OSTN: variants seen among roughly 807,000 people sequenced by gnomAD.
The protein encoded by OSTN is osteocrin.
Under a neutral mutation model 12.0 loss-of-function variants are expected in OSTN, and 9 were observed. The ratio of observed to expected loss-of-function variants is 0.75; its 90% CI spans 0.45 to 1.30. The LOEUF is 1.30. Among genes scored for constraint, OSTN ranks in the 50% most tolerant of loss-of-function variants. OSTN has a pLI of 0.00. For missense variants in OSTN, 148 were observed against 152.3 expected, an observed-to-expected ratio of 0.97 and a Z score of 0.15; for synonymous variants, 59 against 56.9, an observed-to-expected ratio of 1.04 and a Z score of -0.16.
intron 3 of OSTN, among the ~76,000 whole-genome samples, chr3:191,229,281 A>G (rs777482873): frequency 3.9e-5 from 6 of 152,250 alleles, no homozygotes; most frequent in Non-Finnish European, 2.9e-5. Context: ...TCAAACAATA[A>G]TCCTTTTAAA....
At chr3:191,245,082 C>A (rs1024095665) in intron 3 of OSTN, among the ~76,000 whole-genome samples, 1 of 152,132 alleles carries the variant, frequency 6.6e-6, no homozygotes, top group Non-Finnish European at 1.5e-5. Flanking sequence ...TCAGATATTG[C>A]TCTCTTTTAT....
chr3:191,203,735 G>A (rs1264288919), intron 1 of OSTN, among the ~76,000 whole-genome samples: 1 of 152,156 alleles, frequency 6.6e-6, no homozygotes, highest in Non-Finnish European at 1.5e-5. Flanking sequence ...TACACAAATA[G>A]GTTATACTCG....
At chr3:191,212,046 C>G (rs896053690) in intron 1 of OSTN, among the ~76,000 whole-genome samples, 1 of 152,000 alleles carries the variant, frequency 6.6e-6, no homozygotes, top group Non-Finnish European at 1.5e-5. Flanking sequence ...TGACATGACA[C>G]AAGGACATAA....
At chr3:191,201,979 AAGG>A (rs1316017116) in intron 1 of OSTN, among the ~76,000 whole-genome samples, 1 of 152,120 alleles carries the variant, frequency 6.6e-6, no homozygotes, top group Non-Finnish European at 1.5e-5. Context: ...TATTTTTCTG[AAGG>A]AGAAGTTAAA....
At chr3:191,232,801 G>C (rs1715094828) in intron 3 of OSTN, among the ~76,000 whole-genome samples, 1 of 152,010 alleles carries the variant, frequency 6.6e-6, no homozygotes, top group African/African-American at 2.4e-5. Context: ...TTTTAGTAGG[G>C]ACTGTGTTTC....
intron 4 of OSTN, among the ~76,000 whole-genome samples, chr3:191,261,088 G>A (rs1262060365): frequency 6.6e-6 from 1 of 152,112 alleles, no homozygotes; most frequent in East Asian, 1.9e-4. Flanking sequence ...CAGCAGATTA[G>A]GTCTTGGGTT....
chr3:191,265,022 C>T lies in OSTN; in HGVS notation c.*2169C>T, dbSNP rs1715891459. The T allele has an allele frequency of 6.6e-6, 1 of 152,080 alleles. No homozygotes were observed. The highest frequency in any genetic ancestry group is 6.5e-5 in the Admixed American group (1 of 15,278). The allele number at this position is 152,080 out of a possible 1,614,324, so 9.4% of individuals were successfully genotyped here. On this transcript the variant is annotated 3_prime_UTR_variant, in exon 5 of 5. Coordinates refer to ENST00000682035, the MANE Select transcript of OSTN (RefSeq NM_198184.2). The stretch of plus-strand genomic sequence containing the variant: ...AAGAAAATGTTTTCTCCACTTATAA[C>T]TCTATTTTATTTCATATTTTAATTT...
At chr3:191,240,653 T>C (rs942249032) in intron 3 of OSTN, among the ~76,000 whole-genome samples, 3 of 152,236 alleles carry the variant, frequency 2.0e-5, no homozygotes, top group Non-Finnish European at 4.4e-5. Flanking sequence ...ACAGTGAAAA[T>C]GTTGGCCAGG....
chr3:191,229,328 A>G (rs1038576060), intron 3 of OSTN, among the ~76,000 whole-genome samples: 1 of 152,222 alleles, frequency 6.6e-6, no homozygotes, highest in Admixed American at 6.5e-5. Context: ...GAATGTGAAG[A>G]GTAACTATTT....
chr3:191,257,185 C>CAAAAAA (rs71175391), intron 4 of OSTN, among the ~76,000 whole-genome samples: 13 of 72,188 alleles, frequency 1.8e-4, no homozygotes, highest in African/African-American at 5.1e-4. Flanking sequence ...AACCCTCTCT[C>CAAAAAA]AAAAAAAAAA....
intron 4 of OSTN, among the ~76,000 whole-genome samples, chr3:191,260,012 C>T (rs978476485): frequency 4.0e-5 from 6 of 151,494 alleles, no homozygotes; most frequent in African/African-American, 1.5e-4. Flanking sequence ...ACACCATGCC[C>T]GGCTAACTTT....
chr3:191,262,021 C>T (rs1029691279), intron 4 of OSTN, among the ~76,000 whole-genome samples: 3 of 152,048 alleles, frequency 2.0e-5, no homozygotes, highest in Admixed American at 6.5e-5. Context: ...GTTTGAGACC[C>T]GCCCGGCGAA....
intron 4 of OSTN, among the ~76,000 whole-genome samples, chr3:191,255,092 G>A (rs1443374113): frequency 6.6e-6 from 1 of 152,152 alleles, no homozygotes; most frequent in Admixed American, 6.5e-5. Flanking sequence ...ATGGTTTTGG[G>A]ATGAAGCTGT....
intron 1 of OSTN, among the ~76,000 whole-genome samples, chr3:191,208,378 T>A (rs911769123): frequency 5.3e-5 from 8 of 152,214 alleles, no homozygotes; most frequent in Non-Finnish European, 8.8e-5. Flanking sequence ...AACTAGTTAA[T>A]CAAATGTCTT....
chr3:191,229,727 T>G (rs371495026), intron 3 of OSTN: 1 of 152,168 alleles, frequency 6.6e-6, no homozygotes, highest in African/African-American at 2.4e-5. Context: ...TATAGTTTAA[T>G]AAGAACTTTA....
chr3:191,204,577 G>A (rs1388343397), intron 1 of OSTN, among the ~76,000 whole-genome samples: 1 of 152,170 alleles, frequency 6.6e-6, no homozygotes, highest in Non-Finnish European at 1.5e-5. Context: ...ATTCATCAGA[G>A]ACTGGAATCG....
chr3:191,250,244 A>G (rs549811483), intron 4 of OSTN, 111 bp downstream of exon 4: 1 of 786,240 alleles, frequency 1.3e-6, no homozygotes, highest in Non-Finnish European at 2.1e-6. Context: ...TTCCTAGCTT[A>G]TCAGTTCACT....
chr3:191,227,463 C>T (rs1329557115), intron 3 of OSTN, among the ~76,000 whole-genome samples: 1 of 152,132 alleles, frequency 6.6e-6, no homozygotes, highest in Non-Finnish European at 1.5e-5. Context: ...CTTTTTGGCC[C>T]TGCCTTCCTC....
intron 3 of OSTN, among the ~76,000 whole-genome samples, chr3:191,232,180 A>G (rs908627153): frequency 6.6e-6 from 1 of 151,346 alleles, no homozygotes; most frequent in Non-Finnish European, 1.5e-5. Context: ...AAAATACAAA[A>G]ATCAGCCAGG....
Sources: gnomAD v4.1 joint callset for allele counts (sites outside exome capture counted in the v4.1 genomes callset) on GRCh38, gnomAD v4.1.1 for gene constraint, MANE v1.5 for transcripts, NCBI Gene and HGNC (gene_info 2026-07-23, HGNC 2026-07-21) for gene names.